PBRM1: variants seen among roughly 807,000 people sequenced by gnomAD.
PBRM1 encodes protein polybromo-1.
A neutral mutation model predicts 194.5 loss-of-function variants in PBRM1; 27 were observed. The ratio of observed to expected loss-of-function variants is 0.14; its 90% CI spans 0.10 to 0.19. The LOEUF is 0.19. Among genes scored for constraint, PBRM1 ranks in the 10% least tolerant of loss-of-function variants. The pLI is 1.00. For synonymous variants in PBRM1, 655 were observed against 693.2 expected (o/e 0.94, Z 0.87); for missense variants, 1,466 against 2,077.2 (o/e 0.71, Z 5.72).
rs746172295 is a variant in PBRM1 at position 52,644,700 on chromosome 3, C to G, written c.899+4G>C. On this transcript the variant is annotated splice_donor_region_variant and intron_variant, in intron 8 of 29. Transcript: ENST00000296302. ...GCCCAGCCTAGACATTTTCTTAAACCTACCTCATTCGAAGACTTGACTTAG... is the reference window on the plus strand; with the variant it reads ...GCCCAGCCTAGACATTTTCTTAAACGTACCTCATTCGAAGACTTGACTTAG... 2 of 1,476,214 alleles carry G rather than the reference C, an allele frequency of 1.4e-6. No homozygotes were observed. The highest frequency in any genetic ancestry group is 2.8e-5 in the African/African-American group (2 of 71,648). The allele number at this position is 1,476,214 out of a possible 1,614,324, so 91.4% of individuals were successfully genotyped here. A position where few individuals can be genotyped will look rare whatever the true frequency, so the allele number is the denominator to read the frequency against.
chr3:52,679,333 T>C (rs1367720985), intron 1 of PBRM1, among the ~76,000 whole-genome samples: 1 of 152,268 alleles, frequency 6.6e-6, no homozygotes, highest in African/African-American at 2.4e-5. Flanking sequence ...GCTTGTCACA[T>C]GATAGTCACA....
chr3:52,683,073 C>T (rs1357342630), upstream of PBRM1, among the ~76,000 whole-genome samples: 3 of 151,846 alleles, frequency 2.0e-5, no homozygotes, highest in African/African-American at 4.8e-5. Context: ...CTTGGTGGCA[C>T]GCACCTGTAA....
At chr3:52,548,202 T>C (rs1224208524) in exon 30 of PBRM1, 2 of 1,597,846 alleles carry the variant, frequency 1.3e-6, no homozygotes, top group Admixed American at 3.6e-5. Context: ...GCGGCTCTCC[T>C]GTTCTTTCGA....
intron 17 of PBRM1, among the ~76,000 whole-genome samples, chr3:52,594,636 A>G (rs2093397681): frequency 6.6e-6 from 1 of 152,176 alleles, no homozygotes; most frequent in African/African-American, 2.4e-5. Flanking sequence ...TTGTGTTGTT[A>G]GCTGGAAGCA....
At chr3:52,653,135 A>C (rs1434349536) in intron 5 of PBRM1, among the ~76,000 whole-genome samples, 1 of 152,224 alleles carries the variant, frequency 6.6e-6, no homozygotes, top group Non-Finnish European at 1.5e-5. Flanking sequence ...TTGCAATCTA[A>C]ATAACGTTAT....
chr3:52,609,292 A>T lies in PBRM1; in HGVS notation c.2567+21T>A. On this transcript the variant is annotated intron_variant, in intron 16 of 29. Transcript: ENST00000296302. The surrounding 1 kb of genome is among the most constrained non-coding windows in gnomAD (Gnocchi z 4.1). ...TTAAATAGCACATATCCTCAAAATA[A>T]AAATGGCTTTGAAAACATACCGATT... 1 of 1,583,630 alleles carries T rather than the reference A, an allele frequency of 6.3e-7. No individual in the cohort carries two copies.
At chr3:52,612,678 C>T (rs997770650) in intron 15 of PBRM1, among the ~76,000 whole-genome samples, 5 of 151,864 alleles carry the variant, frequency 3.3e-5, no homozygotes, top group African/African-American at 1.2e-4. Context: ...CGGAGGCGGA[C>T]GGATCACTTG....
Position 52,609,932 on chromosome 3 carries a change from T to C in PBRM1, c.1948A>G (p.Lys650Glu), listed in dbSNP as rs1279606037. Residue 650 changes from lysine to glutamate, a missense_variant, in exon 16 of 30, where the codon AAA (lysine) becomes GAA (glutamate). By Grantham distance (56) the Lys-to-Glu change is moderately conservative. Around this residue, in one of 5 missense-constraint regions of PBRM1, gnomAD observed 687 missense variants for 946.2 expected, o/e 0.73. Transcript: ENST00000296302. This position sits in a 1 kb window ranked among gnomAD's most constrained non-coding sequence, Gnocchi z 4.1. Reference sequence around the variant, plus strand: ...ATTGGAGTCATGTATTTTGATTTTTTAGGAGAAATGCCACTCTTCCTACCT... The same window carrying C: ...ATTGGAGTCATGTATTTTGATTTTTCAGGAGAAATGCCACTCTTCCTACCT... 6.6e-7 allele frequency: 1 copy of C among 1,519,608 alleles called. No individual in the cohort carries two copies. Among genetic ancestry groups the C allele is most frequent in the Admixed American group, 2.4e-5 (1 of 42,196 alleles). 94.1% of individuals were successfully genotyped at this position (1,519,608 alleles called of 1,614,324 possible).
intron 28 of PBRM1, 51 bp downstream of exon 30, chr3:52,550,696 A>C (rs763152087): frequency 6.3e-7 from 1 of 1,588,098 alleles, no homozygotes; most frequent in South Asian, 1.1e-5. Flanking sequence ...TGTTCTGAGA[A>C]GGATAACTCG....
At chr3:52,550,963 C>A in intron 27 of PBRM1, 146 bp from the exon 30 acceptor site, 1 of 579,740 alleles carries the variant, frequency 1.7e-6, no homozygotes, top group South Asian at 2.3e-5. Context: ...CTTAAGCACC[C>A]CAATAGGATT....
At chr3:52,671,481 AC>A (rs2096948942) in intron 2 of PBRM1, among the ~76,000 whole-genome samples, 2 of 152,222 alleles carry the variant, frequency 1.3e-5, no homozygotes, top group South Asian at 4.1e-4. Context: ...GCTACTCTAT[AC>A]CACATAATGG....
At chr3:52,643,713 T>G (rs1395310629) in intron 8 of PBRM1, among the ~76,000 whole-genome samples, 7 of 152,226 alleles carry the variant, frequency 4.6e-5, no homozygotes, top group African/African-American at 1.7e-4. Context: ...GGCTCACGCC[T>G]GTAATCCCAG....
chr3:52,586,658 G>T (rs2153776391), exon 20 of PBRM1: 1 of 1,603,198 alleles, frequency 6.2e-7, no homozygotes, highest in Non-Finnish European at 8.5e-7. Context: ...TCCTCATCTC[G>T]GAAGTTTTCT....
rs147691252 is a variant in PBRM1, at chr3:52,624,306, T to C, written c.1541+2967A>G. Among the ~76,000 whole-genome samples, 328 of 152,358 alleles carry C rather than the reference T, an allele frequency of 2.2e-3. 1 individual carries two copies. Among genetic ancestry groups the C allele is most frequent in the Non-Finnish European group, 3.4e-3 (233 of 68,030 alleles). ...AGTTTAGTGTTCTATAAGCAACTGA[T>C]ACTCTGTGAATGTCAGACGGCAAAT... is the stretch of plus-strand genomic sequence containing the variant. On this transcript the variant is annotated intron_variant, in intron 13 of 29. Transcript: ENST00000296302.
exon 4 of PBRM1, chr3:52,662,150 C>T (rs746949395): frequency 6.2e-7 from 1 of 1,614,016 alleles, no homozygotes; most frequent in East Asian, 2.2e-5. Flanking sequence ...GTCACTGTGC[C>T]CTGATTGTCT....
chr3:52,600,241 C>A (rs1485694838), intron 17 of PBRM1, among the ~76,000 whole-genome samples: 1 of 152,116 alleles, frequency 6.6e-6, no homozygotes, highest in African/African-American at 2.4e-5. Flanking sequence ...AAGTTTTCAT[C>A]CATTATTTCA....
At chr3:52,635,989 G>A (rs942188120) in intron 10 of PBRM1, among the ~76,000 whole-genome samples, 5 of 152,102 alleles carry the variant, frequency 3.3e-5, no homozygotes, top group Non-Finnish European at 7.4e-5. Flanking sequence ...TCAGCCTCCT[G>A]AGTAGCTGGG....
chr3:52,625,805 T>A (rs909951929), intron 13 of PBRM1, among the ~76,000 whole-genome samples: 9 of 152,114 alleles, frequency 5.9e-5, no homozygotes, highest in Non-Finnish European at 1.2e-4. Flanking sequence ...TCGAAACTCC[T>A]GACCTCAAGT....
intron 1 of PBRM1, 142 bp downstream of exon 2, chr3:52,679,432 A>T: frequency 1.4e-6 from 1 of 695,962 alleles, no homozygotes; most frequent in Non-Finnish European, 2.4e-6. Flanking sequence ...TGAATACATA[A>T]TGTTCATAAA....
Sources: allele counts gnomAD v4.1 joint callset (sites outside exome capture counted in the v4.1 genomes callset), GRCh38; gene constraint gnomAD v4.1.1; regional missense constraint gnomAD v4.1.1; non-coding constraint Gnocchi (gnomAD v3.1); transcripts MANE v1.5; gene names NCBI Gene and HGNC (gene_info 2026-07-23, HGNC 2026-07-21).